Variants in CDH13 observed in about 807,000 individuals in gnomAD.
CDH13 encodes the protein cadherin 13, also known as cadherin-13.
In CDH13, 24 loss-of-function variants were observed where a neutral mutation model predicts 63.8. That is an observed-to-expected ratio of 0.38 (90% confidence interval 0.27 to 0.53). The LOEUF (loss-of-function observed/expected upper bound fraction) is 0.53. Ranked by LOEUF, CDH13 falls within the 20% of genes least tolerant of loss-of-function variation. The pLI is 0.85. For missense variants in CDH13, 1,049 were observed against 903.1 expected (o/e 1.16, Z -2.07); for synonymous variants, 503 against 355.3 (o/e 1.42, Z -4.67).
chr16:82,935,501 G>T (rs919533205), intron 2 of CDH13, among the ~76,000 whole-genome samples: 1 of 152,192 alleles, frequency 6.6e-6, no homozygotes, highest in Non-Finnish European at 1.5e-5. Flanking sequence ...ATGAGATGCA[G>T]CTGGTTTCCA....
chr16:83,051,394 A>G (rs1342789709), intron 3 of CDH13, among the ~76,000 whole-genome samples: 2 of 152,238 alleles, frequency 1.3e-5, no homozygotes, highest in Non-Finnish European at 2.9e-5. Context: ...GGCATCAGTA[A>G]AACCAATAAC....
At chr16:83,303,688 G>A (rs935942676) in intron 5 of CDH13, among the ~76,000 whole-genome samples, 1 of 152,164 alleles carries the variant, frequency 6.6e-6, no homozygotes, top group Non-Finnish European at 1.5e-5. Flanking sequence ...GGGAGTGAAA[G>A]GTGATTGAAA....
chr16:83,430,966 C>G (rs146521796), intron 6 of CDH13, among the ~76,000 whole-genome samples: 1 of 131,476 alleles, frequency 7.6e-6, no homozygotes, highest in Admixed American at 8.0e-5. Flanking sequence ...ATCCCTCCCC[C>G]CTCCCCCCAC....
intron 2 of CDH13, among the ~76,000 whole-genome samples, chr16:82,893,253 A>G (rs999140318): frequency 2.0e-5 from 3 of 152,244 alleles, no homozygotes; most frequent in Non-Finnish European, 4.4e-5. Flanking sequence ...ATACATACAC[A>G]TATGTGTTGG....
intron 5 of CDH13, among the ~76,000 whole-genome samples, chr16:83,278,152 C>T (rs1359686589): frequency 1.3e-5 from 2 of 152,166 alleles, no homozygotes; most frequent in African/African-American, 4.8e-5. Flanking sequence ...AGATTTCTGG[C>T]AAATTTGCAG....
chr16:83,300,617 A>G (rs974915805), intron 5 of CDH13, among the ~76,000 whole-genome samples: 1 of 152,256 alleles, frequency 6.6e-6, no homozygotes, highest in Non-Finnish European at 1.5e-5. Flanking sequence ...GTGTTGGACA[A>G]CATGAATGTA....
intron 3 of CDH13, among the ~76,000 whole-genome samples, chr16:83,087,322 T>C (rs1380220474): frequency 6.6e-6 from 1 of 152,192 alleles, no homozygotes; most frequent in Non-Finnish European, 1.5e-5. Flanking sequence ...TATAAAAAGC[T>C]AGCAAGGTCC....
chr16:83,569,918 A>G (rs531144835), intron 7 of CDH13, among the ~76,000 whole-genome samples: 1 of 152,076 alleles, frequency 6.6e-6, no homozygotes, highest in South Asian at 2.1e-4. Context: ...TGTATTTTTA[A>G]TAGAGACAGG....
chr16:83,529,823 G>A (rs1186051081), intron 7 of CDH13, among the ~76,000 whole-genome samples: 2 of 152,126 alleles, frequency 1.3e-5, no homozygotes, highest in Admixed American at 1.3e-4. Flanking sequence ...TGAACATTTG[G>A]TCAGGTGATT....
rs79449174 is a variant in CDH13, at chr16:83,386,561, T to C, written c.781+41555T>C. ...AGTTCCACCTATACCCGGATAGTAT[T>C]ACCCACCCTACTTGAGGACTCTAGG... On this transcript the variant is annotated intron_variant, in intron 6 of 13. Coordinates refer to ENST00000567109, the MANE Select transcript of CDH13 (RefSeq NM_001257.5). Among the ~76,000 whole-genome samples the C allele has an allele frequency of 5.7e-3, 861 of 152,306 alleles. 4 individuals are homozygous for C. The highest frequency in any genetic ancestry group is 0.014 in the Middle Eastern group (4 of 294).
At chr16:83,115,200 C>A (rs1444207992) in intron 3 of CDH13, among the ~76,000 whole-genome samples, 2 of 152,196 alleles carry the variant, frequency 1.3e-5, no homozygotes, top group African/African-American at 2.4e-5. Context: ...TCTGGAGTTA[C>A]AGAGGCCAAA....
intron 3 of CDH13, among the ~76,000 whole-genome samples, chr16:83,099,329 C>T (rs1269191932): frequency 1.3e-5 from 2 of 151,746 alleles, no homozygotes; most frequent in African/African-American, 2.4e-5. Flanking sequence ...CTTCATTTTA[C>T]ACATTTTTTT....
At chr16:83,701,127 A>C (rs1906157407) in intron 10 of CDH13, among the ~76,000 whole-genome samples, 2 of 152,020 alleles carry the variant, frequency 1.3e-5, no homozygotes, top group African/African-American at 2.4e-5. Context: ...TGCAGGTTAC[A>C]TTCCTTGCCG....
chr16:83,413,754 G>A (rs1386848840), intron 6 of CDH13, among the ~76,000 whole-genome samples: 1 of 152,090 alleles, frequency 6.6e-6, no homozygotes, highest in African/African-American at 2.4e-5. Flanking sequence ...TTGGGAGGCT[G>A]AGGCGAGAGG....
chr16:83,793,770 C>G (rs1486736761), intron 13 of CDH13, among the ~76,000 whole-genome samples: 1 of 150,870 alleles, frequency 6.6e-6, no homozygotes, highest in Non-Finnish European at 1.5e-5. Flanking sequence ...CAAGATTGTG[C>G]CAATGCACTC....
At chr16:83,325,686 GCTCT>G (rs1322319922) in intron 5 of CDH13, among the ~76,000 whole-genome samples, 1 of 152,060 alleles carries the variant, frequency 6.6e-6, no homozygotes, top group African/African-American at 2.4e-5. Flanking sequence ...ATACCTTCAC[GCTCT>G]CTGTTTTCTC....
chr16:82,937,907 C>A (rs867804983), intron 2 of CDH13, among the ~76,000 whole-genome samples: 1 of 151,978 alleles, frequency 6.6e-6, no homozygotes, highest in Non-Finnish European at 1.5e-5. Context: ...TTTTTAAAGA[C>A]GTATAATATA....
intron 11 of CDH13, among the ~76,000 whole-genome samples, chr16:83,775,572 T>C (rs1915051542): frequency 6.6e-6 from 1 of 152,106 alleles, no homozygotes; most frequent in African/African-American, 2.4e-5. Flanking sequence ...GGGAGTCCCA[T>C]TCTAGCTCCA....
At chr16:83,409,998 G>T (rs777892960) in intron 6 of CDH13, among the ~76,000 whole-genome samples, 13 of 152,224 alleles carry the variant, frequency 8.5e-5, no homozygotes, top group Non-Finnish European at 1.2e-4. Context: ...TATTTCCTGT[G>T]TGAAACAACT....
Sources: allele counts gnomAD v4.1 joint callset (sites outside exome capture counted in the v4.1 genomes callset), GRCh38; gene constraint gnomAD v4.1.1; transcripts MANE v1.5; gene names NCBI Gene and HGNC (gene_info 2026-07-23, HGNC 2026-07-21).